Variants in RAB4B observed in about 807,000 individuals in gnomAD.
RAB4B encodes the protein RAB4B, member RAS oncogene family, also known as ras-related protein Rab-4B.
RAB4B carries 15 observed loss-of-function variants against 28.3 expected under a neutral mutation model. The observed-to-expected ratio is 0.53, with a 90% CI of 0.35 to 0.82. The LOEUF is 0.82. RAB4B is among the 40% of genes least tolerant of loss of function. RAB4B has a pLI of 0.01. For synonymous variants in RAB4B, 108 were observed against 116.3 expected (o/e 0.93, Z 0.46); for missense variants, 244 against 288.5 (o/e 0.85, Z 1.12).
chr19:40,784,496 A>C (rs947554303), intron 5 of RAB4B, among the ~76,000 whole-genome samples: 3 of 151,132 alleles, frequency 2.0e-5, no homozygotes, highest in Admixed American at 6.6e-5. Context: ...CTGTCTCCAA[A>C]AACAACAACA....
intron 7 of RAB4B, among the ~76,000 whole-genome samples, chr19:40,791,566 A>C (rs937806762): frequency 2.0e-5 from 3 of 151,512 alleles, no homozygotes; most frequent in African/African-American, 7.3e-5. Context: ...TCTGCTTGGA[A>C]CATTCCTACC....
Position 40,780,395 on chromosome 19 carries a change from C to T in RAB4B, c.108C>T (p.Asp36=), listed in dbSNP as rs746248265. Residue 36 remains aspartate, a synonymous_variant, in exon 3 of 8, where the codon GAC becomes GAT. Coordinates refer to ENST00000357052, the MANE Select transcript of RAB4B (RefSeq NM_016154.5). ...HQFIENKFKQ[D]SNHTIGVEFG... ...TCCTCCTACTCCCAGTCAAACAGGA[C>T]TCCAACCACACAATCGGCGTGGAGT... is the stretch of plus-strand genomic sequence containing the variant. The T allele has an allele frequency of 1.2e-6, 2 of 1,609,732 alleles. No individual in the cohort carries two copies. Among genetic ancestry groups the T allele is most frequent in the Non-Finnish European group, 1.7e-6 (2 of 1,177,890 alleles).
At chr19:40,787,395 C>T (rs978653661) in intron 7 of RAB4B, among the ~76,000 whole-genome samples, 12 of 151,866 alleles carry the variant, frequency 7.9e-5, no homozygotes, top group Admixed American at 4.6e-4. Context: ...ATTAGCTGGG[C>T]GTGGTGGCAG....
rs973511315 is a variant in RAB4B, at chr19:40,778,298, G to A, written c.-78G>A. ...GTAGGAAGGAGCCGGGGCTGTAGCC[G>A]GAGTGGAGCGGCTGCCAGCCGAGGA... On this transcript the variant is annotated 5_prime_UTR_variant, in exon 1 of 8. Transcript: ENST00000357052. The A allele has an allele frequency of 7.9e-6, 11 of 1,400,532 alleles. No homozygotes were observed. In the African/African-American group the frequency reaches 1.2e-4, roughly 15 times the overall value. 86.8% of individuals were successfully genotyped at this position (1,400,532 alleles called of 1,614,324 possible). A position where few individuals can be genotyped will look rare whatever the true frequency, so the allele number is the denominator to read the frequency against.
At chr19:40,794,728 C>T (rs1396391978) in intron 7 of RAB4B, 1 of 150,988 alleles carries the variant, frequency 6.6e-6, no homozygotes, top group Non-Finnish European at 1.5e-5. Context: ...GAAGTGGTTT[C>T]AGGACTTTTT....
intron 7 of RAB4B, among the ~76,000 whole-genome samples, chr19:40,794,997 C>CAAAAAAAAAAAAAA (rs59417778): frequency 8.0e-5 from 8 of 99,864 alleles, no homozygotes; most frequent in Non-Finnish European, 1.3e-4. Flanking sequence ...ACTAAAAATA[C>CAAAAAAAAAAAAAA]AAAAAAAAAA....
chr19:40,782,113 A>G (rs561914419), intron 3 of RAB4B, among the ~76,000 whole-genome samples: 5 of 151,998 alleles, frequency 3.3e-5, no homozygotes, highest in South Asian at 4.2e-4. Flanking sequence ...AGTGTGATCT[A>G]TGGCAGCATC....
At chr19:40,795,611 C>T (rs113136038) in intron 7 of RAB4B, among the ~76,000 whole-genome samples, 1,742 of 151,590 alleles carry the variant, frequency 0.011, 40 homozygotes, top group African/African-American at 0.039. Context: ...TTGGCCAGGG[C>T]GGTCTGAACT....
At chr19:40,792,510 A>AGGCTT (rs1214346832) in intron 7 of RAB4B, 3 of 152,234 alleles carry the variant, frequency 2.0e-5, no homozygotes, top group African/African-American at 7.2e-5. Flanking sequence ...AGGCAAGGCA[A>AGGCTT]GGCTTTTTCA....
rs1419068278 is a variant in RAB4B at position 40,780,009 on chromosome 19, A to AT, written c.17-9dup. 4.3e-6 allele frequency: 7 copies of AT among 1,612,214 alleles called. No individual in the cohort carries two copies. Among genetic ancestry groups the AT allele is most frequent in the Non-Finnish European group, 5.1e-6 (6 of 1,178,382 alleles). On this transcript the variant is annotated splice_polypyrimidine_tract_variant and intron_variant, in intron 1 of 7. Coordinates refer to ENST00000357052, the MANE Select transcript of RAB4B (RefSeq NM_016154.5). ...TGTGGGTATCCCTGATTTTGGCTCCATCTGGTCAGACTTCCTCTTCAAATT... is the reference window on the plus strand; with the variant it reads ...TGTGGGTATCCCTGATTTTGGCTCCATTCTGGTCAGACTTCCTCTTCAAATT...
chr19:40,791,500 A>T (rs2083159422), intron 7 of RAB4B, among the ~76,000 whole-genome samples: 1 of 151,540 alleles, frequency 6.6e-6, no homozygotes, highest in Admixed American at 6.6e-5. Flanking sequence ...CTCTCAGGCC[A>T]CTCCAGCCAC....
Position 40,778,304 on chromosome 19 carries a change from G to C in RAB4B, c.-72G>C. 7.0e-7 allele frequency: 1 copy of C among 1,435,472 alleles called. No homozygotes were observed. Among genetic ancestry groups the C allele is most frequent in the East Asian group, 2.8e-5 (1 of 35,334 alleles). 88.9% of individuals were successfully genotyped at this position (1,435,472 alleles called of 1,614,324 possible). ...AGGAGCCGGGGCTGTAGCCGGAGTG[G>C]AGCGGCTGCCAGCCGAGGAGCAGGC... On this transcript the variant is annotated 5_prime_UTR_variant, in exon 1 of 8. Coordinates refer to ENST00000357052, the MANE Select transcript of RAB4B (RefSeq NM_016154.5).
chr19:40,783,711 T>C (rs2083072154), intron 3 of RAB4B, 67 bp from the exon 4 acceptor site: 4 of 1,459,962 alleles, frequency 2.7e-6, no homozygotes, highest in Middle Eastern at 2.6e-4. Flanking sequence ...AGTCTGTCTC[T>C]GTAGAGGGGG....
rs147795402 is a variant in RAB4B at position 40,784,024 on chromosome 19, C to A, written c.379C>A (p.Pro127Thr). ...CTGTGGCAACAAGAAGGACCTGGAC[C>A]CTGAGCGGGAGGTCACTTTCCTGGA... ...ILCGNKKDLD[P>T]EREVTFLEAS... The change falls in exon 5 of 8, where the codon CCT becomes ACT. Residue 127 changes from proline (P) to threonine (T), a missense_variant. Coordinates refer to ENST00000357052, the MANE Select transcript of RAB4B (RefSeq NM_016154.5). The A allele has an allele frequency of 1.8e-5, 29 of 1,613,920 alleles. No homozygotes were observed. Among genetic ancestry groups the A allele is most frequent in the Non-Finnish European group, 2.4e-5 (28 of 1,179,916 alleles).
chr19:40,795,169 C>CAA (rs1167818145), intron 7 of RAB4B, among the ~76,000 whole-genome samples: 28 of 60,296 alleles, frequency 4.6e-4, no homozygotes, highest in East Asian at 1.0e-3. Flanking sequence ...GCTCCATCTC[C>CAA]AAAAAAAAAA....
rs753029143 is a variant in RAB4B, at chr19:40,783,979, C to T, written c.334C>T (p.Pro112Ser). Reference sequence around the variant, plus strand: ...GACGGATGCCCGCACCCTGGCCAGCCCCAACATCGTGGTCATCCTCTGTGG... The same window carrying T: ...GACGGATGCCCGCACCCTGGCCAGCTCCAACATCGTGGTCATCCTCTGTGG... Reference protein sequence around the residue: ...WLTDARTLASPNIVVILCGNK... With the variant: ...WLTDARTLASSNIVVILCGNK... The change falls in exon 5 of 8, where the codon CCC becomes TCC. Residue 112 changes from proline to serine, a missense_variant. By Grantham distance (74) the Pro-to-Ser change is moderately conservative (BLOSUM62 -1). Transcript: ENST00000357052. 5.9e-5 allele frequency: 96 copies of T among 1,613,980 alleles called. No homozygotes were observed. In the Admixed American group the frequency reaches 1.6e-3, roughly 26 times the overall value.
At position 40,778,332 on chromosome 19, in the gene RAB4B, G is replaced by C. The variant is rs748948285; in HGVS notation, c.-44G>C. 7 of 1,489,266 alleles carry C rather than the reference G, an allele frequency of 4.7e-6. No homozygotes were observed. The highest frequency in any genetic ancestry group is 6.2e-6 in the Non-Finnish European group (7 of 1,125,508). 92.3% of individuals were successfully genotyped at this position (1,489,266 alleles called of 1,614,324 possible). A position where few individuals can be genotyped will look rare whatever the true frequency, so the allele number is the denominator to read the frequency against. ...CGGCTGCCAGCCGAGGAGCAGGCGCGGCCGCGGCGCCATATTGCGGCCCTC... is the reference window on the plus strand; with the variant it reads ...CGGCTGCCAGCCGAGGAGCAGGCGCCGCCGCGGCGCCATATTGCGGCCCTC... On this transcript the variant is annotated 5_prime_UTR_variant, in exon 1 of 8. Coordinates refer to ENST00000357052, the MANE Select transcript of RAB4B (RefSeq NM_016154.5).
At chr19:40,780,727 G>A (rs1036082422) in intron 3 of RAB4B, among the ~76,000 whole-genome samples, 3 of 152,082 alleles carry the variant, frequency 2.0e-5, no homozygotes, top group Admixed American at 6.6e-5. Context: ...GGCTCATGCC[G>A]GTAATCCCCG....
chr19:40,792,453 A>G (rs1299863460), intron 7 of RAB4B: 2 of 152,252 alleles, frequency 1.3e-5, no homozygotes, highest in Non-Finnish European at 2.9e-5. Context: ...AGGGCTTAGC[A>G]GAGACTCTGT....
Sources: gnomAD v4.1 joint callset for allele counts (sites outside exome capture counted in the v4.1 genomes callset) on GRCh38, gnomAD v4.1.1 for gene constraint, MANE v1.5 for transcripts, NCBI Gene and HGNC (gene_info 2026-07-23, HGNC 2026-07-21) for gene names.